PTPRN2: variants seen among roughly 807,000 people sequenced by gnomAD.
PTPRN2 encodes receptor-type tyrosine-protein phosphatase N2.
A neutral mutation model predicts 118.8 loss-of-function variants in PTPRN2; 74 were observed. The observed-to-expected ratio is 0.62, with a 90% CI of 0.52 to 0.76. The LOEUF (loss-of-function observed/expected upper bound fraction) is 0.76, where lower values mean the gene tolerates loss of function less well. Ranked by LOEUF, PTPRN2 falls within the 30% of genes least tolerant of loss-of-function variation. The probability of loss-of-function intolerance (pLI) is 0.00; values close to 1 mark genes in which losing one functional copy is unlikely to be tolerated. For missense variants in PTPRN2, 1,481 were observed against 1,394.4 expected (o/e 1.06, Z -0.99); for synonymous variants, 641 against 608.0 (o/e 1.05, Z -0.80).
chr7:157,685,645 C>T (rs1422137303), intron 12 of PTPRN2, among the ~76,000 whole-genome samples: 2 of 152,158 alleles, frequency 1.3e-5, no homozygotes, highest in Non-Finnish European at 2.9e-5. Flanking sequence ...CACCTGCTGT[C>T]GCCGGGACCC....
At chr7:157,761,087 G>A (rs1351915506) in intron 12 of PTPRN2, among the ~76,000 whole-genome samples, 1 of 148,954 alleles carries the variant, frequency 6.7e-6, no homozygotes, top group African/African-American at 2.5e-5. Flanking sequence ...CACTGCTCAA[G>A]GAAATAAAAG....
At chr7:157,816,811 C>G (rs576293751) in intron 12 of PTPRN2, among the ~76,000 whole-genome samples, 3 of 152,350 alleles carry the variant, frequency 2.0e-5, no homozygotes, top group South Asian at 2.1e-4. Context: ...CCCTGGCCCC[C>G]TCTCTTGCCC....
chr7:158,368,351 C>G (rs1809689471), intron 2 of PTPRN2, among the ~76,000 whole-genome samples: 1 of 152,198 alleles, frequency 6.6e-6, no homozygotes, highest in African/African-American at 2.4e-5. Context: ...CTTGACTTTT[C>G]TTAGCGACTA....
At chr7:158,020,622 T>A (rs541264213) in intron 11 of PTPRN2, among the ~76,000 whole-genome samples, 1 of 152,104 alleles carries the variant, frequency 6.6e-6, no homozygotes, top group Non-Finnish European at 1.5e-5. Flanking sequence ...TTGCCCACCA[T>A]GTTGGGGGTA....
At chr7:158,010,365 G>T (rs1805954879) in intron 11 of PTPRN2, among the ~76,000 whole-genome samples, 1 of 152,168 alleles carries the variant, frequency 6.6e-6, no homozygotes, top group African/African-American at 2.4e-5. Flanking sequence ...AATAACCTGT[G>T]TTTAAAAGTG....
chr7:158,192,049 G>A (rs1324684953), intron 5 of PTPRN2, among the ~76,000 whole-genome samples: 2 of 152,146 alleles, frequency 1.3e-5, no homozygotes, highest in East Asian at 1.9e-4. Flanking sequence ...TGCATCTGTG[G>A]TTTAAATGGT....
chr7:158,245,344 C>A (rs1419175030), intron 3 of PTPRN2, among the ~76,000 whole-genome samples: 49 of 152,254 alleles, frequency 3.2e-4, no homozygotes, highest in Admixed American at 3.2e-3. Flanking sequence ...ACTGATGGTG[C>A]ACGTGACCCA....
Position 158,509,878 on chromosome 7 carries a change from C to T in PTPRN2, c.113-20093G>A, listed in dbSNP as rs75848165. Among the ~76,000 whole-genome samples the T allele has an allele frequency of 0.017, 2,525 of 152,326 alleles. 71 individuals carry two copies. Among genetic ancestry groups the T allele is most frequent in the African/African-American group, 0.057 (2,388 of 41,568 alleles). ...GTGCATCTTAGATAGTCATTCCACC[C>T]GGCAAGCACCAACTCAAGGATGTTC... On this transcript the variant is annotated intron_variant, in intron 1 of 22. Transcript: ENST00000389418. This position sits in a 1 kb window ranked among gnomAD's most constrained non-coding sequence, Gnocchi z 4.4.
chr7:157,805,026 C>T (rs186818645), intron 12 of PTPRN2, among the ~76,000 whole-genome samples: 46 of 152,298 alleles, frequency 3.0e-4, no homozygotes, highest in East Asian at 2.9e-3. Flanking sequence ...GTGGGAGTGC[C>T]GCTCTGCACA....
chr7:158,576,560 T>C (rs1828330559), intron 1 of PTPRN2, among the ~76,000 whole-genome samples: 1 of 152,168 alleles, frequency 6.6e-6, no homozygotes, highest in Non-Finnish European at 1.5e-5. Context: ...AGTAACATGC[T>C]GCTGATCTGA....
Position 157,596,807 on chromosome 7 carries a change from T to C in PTPRN2, c.2419-1492A>G, listed in dbSNP as rs1207900122. ...GTGTCTAGGACTAAAATGGACTCTT[T>C]TGCTATCAGGGTTTGATTCGAGATT... On this transcript the variant is annotated intron_variant, in intron 16 of 22. Coordinates refer to ENST00000389418, the MANE Select transcript of PTPRN2 (RefSeq NM_002847.5). The surrounding 1 kb of genome is among the most constrained non-coding windows in gnomAD (Gnocchi z 4.2). Among the ~76,000 whole-genome samples, 1 of 152,230 alleles carries C rather than the reference T, an allele frequency of 6.6e-6. No individual in the cohort carries two copies. The highest frequency in any genetic ancestry group is 6.5e-5 in the Admixed American group (1 of 15,290).
At chr7:158,306,565 T>G (rs1033776995) in intron 3 of PTPRN2, among the ~76,000 whole-genome samples, 1 of 152,188 alleles carries the variant, frequency 6.6e-6, no homozygotes, top group Non-Finnish European at 1.5e-5. Context: ...AGAGACTTGG[T>G]GGCCACACAT....
intron 2 of PTPRN2, among the ~76,000 whole-genome samples, chr7:158,417,450 G>T (rs1454267595): frequency 1.3e-5 from 2 of 149,238 alleles, no homozygotes; most frequent in Non-Finnish European, 2.9e-5. Flanking sequence ...AGCTTTCAGT[G>T]TCCCGCTGTG....
intron 11 of PTPRN2, among the ~76,000 whole-genome samples, chr7:158,054,061 T>TAGAGATGGAGAGACCCC (rs1809588586): frequency 1.5e-5 from 2 of 129,498 alleles, no homozygotes; most frequent in Non-Finnish European, 3.3e-5. Flanking sequence ...GCAGAGATCC[T>TAGAGATGGAGAGACCCC]AGAGATGGAG....
intron 11 of PTPRN2, among the ~76,000 whole-genome samples, chr7:157,988,844 C>T: frequency 6.6e-6 from 1 of 152,230 alleles, no homozygotes; most frequent in Non-Finnish European, 1.5e-5. Flanking sequence ...ACACCCGTGT[C>T]CCATTCTTGG....
In PTPRN2 at chr7:158,458,914, G is replaced by A. The variant is rs11979198; in HGVS notation, c.163+30821C>T. Among the ~76,000 whole-genome samples, 805 of 152,286 alleles carry A rather than the reference G, an allele frequency of 5.3e-3. 10 individuals are homozygous for A. The highest frequency in any genetic ancestry group is 0.018 in the African/African-American group (744 of 41,552). On this transcript the variant is annotated intron_variant, in intron 2 of 22. Coordinates refer to ENST00000389418, the MANE Select transcript of PTPRN2 (RefSeq NM_002847.5). Reference sequence around the variant, plus strand: ...TGATCTTCAGAGGTGCACCCTCCACGCAGCACAGGCCAGACAAGGGAAACT... The same window carrying A: ...TGATCTTCAGAGGTGCACCCTCCACACAGCACAGGCCAGACAAGGGAAACT...
intron 11 of PTPRN2, among the ~76,000 whole-genome samples, chr7:157,966,566 A>G (rs1801948072): frequency 6.6e-6 from 1 of 151,828 alleles, no homozygotes; most frequent in African/African-American, 2.4e-5. Context: ...CACTATCATC[A>G]TCACCATCAT....
In PTPRN2 at chr7:157,896,879, GCAC is replaced by G. The variant is rs747797725; in HGVS notation, c.1788+1791_1788+1793del. 2.8e-4 allele frequency among the ~76,000 whole-genome samples: 43 copies of G among 152,186 alleles called. No individual in the cohort carries two copies. The East Asian group carries it at 5.0e-3, about 18-fold the overall frequency. On this transcript the variant is annotated intron_variant, in intron 12 of 22. Transcript: ENST00000389418. ...TGAGGAAGGTGTGTCTGGACACCAG[GCAC>G]CACACTTGTCACCTCCCAGATGAAC...
chr7:158,340,616 T>C (rs1487320394), intron 2 of PTPRN2, among the ~76,000 whole-genome samples: 12 of 104,868 alleles, frequency 1.1e-4, no homozygotes, highest in African/African-American at 3.2e-4. Flanking sequence ...CCCACACACG[T>C]CACTCACACT....
Sources: allele counts gnomAD v4.1 joint callset (sites outside exome capture counted in the v4.1 genomes callset), GRCh38; gene constraint gnomAD v4.1.1; non-coding constraint Gnocchi (gnomAD v3.1); transcripts MANE v1.5; gene names NCBI Gene and HGNC (gene_info 2026-07-23, HGNC 2026-07-21).